AK7: variants seen among roughly 807,000 people sequenced by gnomAD.
AK7 encodes adenylate kinase 7, also known as ATP-AMP transphosphorylase 7.
A neutral mutation model predicts 96.6 loss-of-function variants in AK7; 78 were observed. That is an observed-to-expected ratio of 0.81 (90% confidence interval 0.67 to 0.97). The LOEUF is 0.97. Among genes scored for constraint, AK7 ranks in the 50% least tolerant of loss-of-function variants. The probability of loss-of-function intolerance (pLI) is 0.00; values close to 1 mark genes in which losing one functional copy is unlikely to be tolerated. For synonymous variants in AK7, 302 were observed against 317.2 expected (o/e 0.95, Z 0.51); for missense variants, 855 against 887.9 (o/e 0.96, Z 0.47).
chr14:96,487,981 C>T (rs1473461078), intron 17 of AK7: 9 of 401,808 alleles, frequency 2.2e-5, no homozygotes, highest in East Asian at 7.9e-5. Flanking sequence ...GGCACAATCT[C>T]GGCTTACTGC....
At chr14:96,401,249 A>G (rs140487044) in intron 2 of AK7, among the ~76,000 whole-genome samples, 1 of 152,244 alleles carries the variant, frequency 6.6e-6, no homozygotes, top group East Asian at 1.9e-4. Flanking sequence ...ACAGAGCATC[A>G]CCCAAGGCTC....
intron 10 of AK7, among the ~76,000 whole-genome samples, chr14:96,452,753 G>T (rs763943477): frequency 3.9e-5 from 6 of 152,004 alleles, no homozygotes; most frequent in Non-Finnish European, 7.4e-5. Flanking sequence ...CTGCCTCCCA[G>T]GTTCAAGTGC....
At chr14:96,424,843 C>A (rs998471210) in intron 5 of AK7, among the ~76,000 whole-genome samples, 31 of 151,866 alleles carry the variant, frequency 2.0e-4, no homozygotes, top group African/African-American at 7.5e-4. Context: ...TTATTGGAAC[C>A]CGTGATTTCT....
At chr14:96,464,068 T>C (rs1894421147) in intron 12 of AK7, among the ~76,000 whole-genome samples, 2 of 151,978 alleles carry the variant, frequency 1.3e-5, no homozygotes, top group Non-Finnish European at 2.9e-5. Context: ...CCACAGAGTA[T>C]AGTGAAGTTA....
chr14:96,426,495 C>A (rs1438237641), intron 5 of AK7, among the ~76,000 whole-genome samples: 1 of 152,110 alleles, frequency 6.6e-6, no homozygotes, highest in Admixed American at 6.5e-5. Context: ...TGTGTACTTC[C>A]TATTACCAGT....
In AK7 at chr14:96,416,258, A is replaced by T. The variant is rs558605663; in HGVS notation, c.499-4564A>T. 5.3e-5 allele frequency among the ~76,000 whole-genome samples: 8 copies of T among 152,142 alleles called. No homozygotes were observed. The South Asian group carries it at 1.7e-3, about 32-fold the overall frequency. Reference sequence around the variant, plus strand: ...AAAAATTAGCTGGGTGTGGTGGTGTATGCCTTTAATCCCAGATACTCAGGA... The same window carrying T: ...AAAAATTAGCTGGGTGTGGTGGTGTTTGCCTTTAATCCCAGATACTCAGGA... On this transcript the variant is annotated intron_variant, in intron 4 of 17. Transcript: ENST00000267584.
At chr14:96,481,185 C>T (rs756226531) in intron 15 of AK7, among the ~76,000 whole-genome samples, 13 of 152,260 alleles carry the variant, frequency 8.5e-5, no homozygotes, top group Admixed American at 3.3e-4. Flanking sequence ...TGAGGTGCCC[C>T]ACCCCAGTCT....
At chr14:96,415,758 A>G (rs1297433499) in intron 4 of AK7, among the ~76,000 whole-genome samples, 4 of 145,518 alleles carry the variant, frequency 2.7e-5, no homozygotes, top group Admixed American at 2.1e-4. Context: ...TAATTAATTT[A>G]ATACATTAAT....
chr14:96,400,357 T>G (rs536122777), intron 2 of AK7, among the ~76,000 whole-genome samples: 62 of 152,174 alleles, frequency 4.1e-4, no homozygotes, highest in South Asian at 1.0e-3. Flanking sequence ...ACTCTTTGTA[T>G]GACTTTGTAC....
At chr14:96,460,639 C>T (rs764288424) in intron 12 of AK7, among the ~76,000 whole-genome samples, 13 of 152,150 alleles carry the variant, frequency 8.5e-5, no homozygotes, top group Non-Finnish European at 1.8e-4. Flanking sequence ...AGAGGTTGTC[C>T]TCTTCCCAGC....
chr14:96,446,855 G>A (rs1422443432), intron 8 of AK7, among the ~76,000 whole-genome samples: 2 of 152,052 alleles, frequency 1.3e-5, no homozygotes, highest in South Asian at 2.1e-4. Flanking sequence ...CAGGAGAATC[G>A]CTTGAACCCA....
At chr14:96,435,001 AG>A (rs1418496196) in intron 5 of AK7, among the ~76,000 whole-genome samples, 1 of 152,182 alleles carries the variant, frequency 6.6e-6, no homozygotes. Context: ...TCTTCAGGAA[AG>A]TAGGCTCCCC....
Position 96,488,953 on chromosome 14 carries a change from T to C in AK7, c.*610T>C, listed in dbSNP as rs1895925201. On this transcript the variant is annotated 3_prime_UTR_variant, in exon 18 of 18. Coordinates refer to ENST00000267584, the MANE Select transcript of AK7 (RefSeq NM_152327.5). Reference sequence around the variant, plus strand: ...AGGCGGAGAAATCTGCATAACAGGATAATTCCAATCTTTGTGATAAGTGAG... The same window carrying C: ...AGGCGGAGAAATCTGCATAACAGGACAATTCCAATCTTTGTGATAAGTGAG... 6.6e-6 allele frequency: 1 copy of C among 151,612 alleles called. No individual in the cohort carries two copies. Among genetic ancestry groups the C allele is most frequent in the Admixed American group, 6.6e-5 (1 of 15,156 alleles). 9.4% of individuals were successfully genotyped at this position (151,612 alleles called of 1,614,324 possible). A position where few individuals can be genotyped will look rare whatever the true frequency, so the allele number is the denominator to read the frequency against.
chr14:96,488,212 C>A (rs1048834458), intron 17 of AK7, 93 bp from the exon 18 acceptor site: 18 of 1,265,422 alleles, frequency 1.4e-5, no homozygotes, highest in Non-Finnish European at 1.9e-5. Context: ...CAAGCTTGGC[C>A]CAGGATGATT....
At chr14:96,411,590 A>G (rs915872910) in intron 4 of AK7, among the ~76,000 whole-genome samples, 10 of 152,228 alleles carry the variant, frequency 6.6e-5, no homozygotes, top group Admixed American at 2.6e-4. Flanking sequence ...ACTGCTAAGT[A>G]TTTTATAATT....
intron 16 of AK7, among the ~76,000 whole-genome samples, chr14:96,485,190 C>T (rs1895704125): frequency 6.6e-6 from 1 of 152,222 alleles, no homozygotes; most frequent in South Asian, 2.1e-4. Context: ...AAACTGTTCT[C>T]ATTGTTTTAA....
intron 6 of AK7, among the ~76,000 whole-genome samples, chr14:96,439,506 T>C (rs113209314): frequency 0.33 from 49,934 of 151,680 alleles, 8,535 homozygotes; most frequent in South Asian, 0.4. Context: ...CTACTAAAAA[T>C]ACAAAAAATT....
intron 12 of AK7, among the ~76,000 whole-genome samples, chr14:96,461,934 A>G (rs1408260881): frequency 1.3e-5 from 2 of 152,204 alleles, no homozygotes; most frequent in Middle Eastern, 3.2e-3. Flanking sequence ...GCAAGGGCCC[A>G]GAAATCTTAT....
chr14:96,428,750 A>T (rs941073910), intron 5 of AK7, among the ~76,000 whole-genome samples: 2 of 152,224 alleles, frequency 1.3e-5, no homozygotes, highest in African/African-American at 4.8e-5. Context: ...CATTGGCTAC[A>T]TAAATGTCTT....
Sources: gnomAD v4.1 joint callset for allele counts (sites outside exome capture counted in the v4.1 genomes callset) on GRCh38, gnomAD v4.1.1 for gene constraint, MANE v1.5 for transcripts, NCBI Gene and HGNC (gene_info 2026-07-23, HGNC 2026-07-21) for gene names.